The following CRB1 variants were observed in gnomAD, a reference collection of about 807,000 sequenced individuals.
CRB1 encodes protein crumbs homolog 1.
CRB1 carries 83 observed loss-of-function variants against 120.0 expected under a neutral mutation model. The ratio of observed to expected loss-of-function variants is 0.69; its 90% CI spans 0.58 to 0.83. CRB1 has a LOEUF of 0.83. CRB1 is among the 40% of genes least tolerant of loss of function. The pLI, the probability that CRB1 is intolerant of heterozygous loss-of-function variation, is 0.00. For synonymous variants in CRB1, 625 were observed against 612.5 expected, an observed-to-expected ratio of 1.02 and a Z score of -0.30; for missense variants, 1,699 against 1,687.6, an observed-to-expected ratio of 1.01 and a Z score of -0.12.
At chr1:197,323,263 G>A (rs756615459) in intron 1 of CRB1, among the ~76,000 whole-genome samples, 1 of 152,118 alleles carries the variant, frequency 6.6e-6, no homozygotes, top group Non-Finnish European at 1.5e-5. Context: ...GTCTCTAGTA[G>A]AGATATTAAA....
chr1:197,221,309 G>A, the CRB1 span, among the ~76,000 whole-genome samples: 1 of 152,158 alleles, frequency 6.6e-6, no homozygotes, highest in Non-Finnish European at 1.5e-5. Context: ...AACAAGGGGT[G>A]AGCAAAGATT....
chr1:197,227,814 C>T, the CRB1 span, among the ~76,000 whole-genome samples: 1 of 152,194 alleles, frequency 6.6e-6, no homozygotes, highest in Non-Finnish European at 1.5e-5. Flanking sequence ...CCATGAGGGC[C>T]CCGCTCCTGC....
At chr1:197,330,965 C>T (rs766002695) in intron 2 of CRB1, among the ~76,000 whole-genome samples, 13 of 152,062 alleles carry the variant, frequency 8.5e-5, no homozygotes, top group Admixed American at 6.5e-4. Flanking sequence ...GAGGCCGAGG[C>T]GGGAGGATCA....
At chr1:197,379,048 C>T (rs1464072038) in intron 5 of CRB1, among the ~76,000 whole-genome samples, 1 of 152,020 alleles carries the variant, frequency 6.6e-6, no homozygotes, top group Non-Finnish European at 1.5e-5. Context: ...GACAGGCATC[C>T]TTGCAAAGAA....
At chr1:197,235,195 T>C in the CRB1 span, among the ~76,000 whole-genome samples, 564 of 152,208 alleles carry the variant, frequency 3.7e-3, 1 homozygote, top group African/African-American at 0.013. Context: ...GGAACTTATG[T>C]TTACTGTCCA....
chr1:197,458,692 G>A (rs1666392373), intron 11 of CRB1, among the ~76,000 whole-genome samples: 2 of 152,068 alleles, frequency 1.3e-5, no homozygotes, highest in Admixed American at 6.6e-5. Context: ...CCATCCACAC[G>A]TTTGTTTCTT....
intron 11 of CRB1, among the ~76,000 whole-genome samples, chr1:197,476,102 G>T (rs1571641420): frequency 6.6e-6 from 1 of 151,762 alleles, no homozygotes; most frequent in African/African-American, 2.4e-5. Flanking sequence ...TAGAGATAGG[G>T]TTTCACCATG....
At chr1:197,311,028 T>C (rs954240326) in intron 1 of CRB1, among the ~76,000 whole-genome samples, 1 of 152,216 alleles carries the variant, frequency 6.6e-6, no homozygotes, top group African/African-American at 2.4e-5. Context: ...AATCTAAACT[T>C]AAAAAGCTAA....
intron 11 of CRB1, chr1:197,444,366 C>T (rs1054550123): frequency 6.6e-6 from 1 of 152,126 alleles, no homozygotes. Context: ...CAAGGCTGAA[C>T]GTGTGATGCT....
At chr1:197,388,965 G>A (rs1296193956) in intron 5 of CRB1, among the ~76,000 whole-genome samples, 3 of 152,032 alleles carry the variant, frequency 2.0e-5, no homozygotes, top group Admixed American at 1.3e-4. Context: ...TGCTGAACAT[G>A]ACTAGTTATT....
intron 4 of CRB1, among the ~76,000 whole-genome samples, chr1:197,351,856 A>C (rs985614309): frequency 1.3e-5 from 2 of 152,148 alleles, no homozygotes; most frequent in Non-Finnish European, 2.9e-5. Context: ...TTTTGCCTAG[A>C]TAGAACATCC....
the CRB1 span, among the ~76,000 whole-genome samples, chr1:197,236,552 T>C: frequency 1.3e-5 from 2 of 152,120 alleles, no homozygotes; most frequent in Non-Finnish European, 2.9e-5. Flanking sequence ...TTCAGCACCA[T>C]GTTGAATAAG....
intron 4 of CRB1, among the ~76,000 whole-genome samples, chr1:197,351,686 C>T (rs1465256400): frequency 3.9e-5 from 6 of 152,190 alleles, no homozygotes; most frequent in African/African-American, 1.4e-4. Flanking sequence ...AGAGATGAGC[C>T]TGTTTGCTAG....
intron 5 of CRB1, among the ~76,000 whole-genome samples, chr1:197,397,492 C>T (rs769818523): frequency 8.5e-5 from 13 of 152,134 alleles, no homozygotes; most frequent in Non-Finnish European, 1.8e-4. Flanking sequence ...AAACATACTT[C>T]TACCCAAAAG....
rs150668391 is a variant in CRB1, at chr1:197,363,517, T to G, written c.1171+6504T>G. Among the ~76,000 whole-genome samples the G allele has an allele frequency of 6.5e-3, 994 of 152,318 alleles. 19 individuals carry two copies. The highest frequency in any genetic ancestry group is 0.023 in the African/African-American group (958 of 41,566). Reference sequence around the variant, plus strand: ...TTTTCTCATGGAACTTGAAAAATTCTACACAACTTTTTTTTCTGCACCCCA... The same window carrying G: ...TTTTCTCATGGAACTTGAAAAATTCGACACAACTTTTTTTTCTGCACCCCA... On this transcript the variant is annotated intron_variant, in intron 5 of 11. Transcript: ENST00000367400.
intron 5 of CRB1, among the ~76,000 whole-genome samples, chr1:197,395,965 T>C (rs183191921): frequency 6.6e-6 from 1 of 152,286 alleles, no homozygotes; most frequent in Admixed American, 6.5e-5. Flanking sequence ...ACCACTTCTA[T>C]TCTACATTGT....
intron 11 of CRB1, among the ~76,000 whole-genome samples, chr1:197,468,570 G>T (rs568927102): frequency 6.6e-6 from 1 of 152,060 alleles, no homozygotes; most frequent in Admixed American, 6.6e-5. Context: ...TGTGTGAGTC[G>T]ATAATAATTG....
chr1:197,286,280 C>T (rs958152598), intron 1 of CRB1, among the ~76,000 whole-genome samples: 2 of 151,804 alleles, frequency 1.3e-5, no homozygotes, highest in African/African-American at 2.4e-5. Flanking sequence ...TATTGAGAAC[C>T]GAATACTTAG....
At chr1:197,466,020 G>A (rs1666735360) in intron 11 of CRB1, among the ~76,000 whole-genome samples, 1 of 152,102 alleles carries the variant, frequency 6.6e-6, no homozygotes, top group South Asian at 2.1e-4. Context: ...TACATGAGGG[G>A]AAGCCAATTT....
Sources: gnomAD v4.1 joint callset for allele counts (sites outside exome capture counted in the v4.1 genomes callset) on GRCh38, gnomAD v4.1.1 for gene constraint, MANE v1.5 for transcripts, NCBI Gene and HGNC (gene_info 2026-07-23, HGNC 2026-07-21) for gene names.